KCTD8: variants seen among roughly 807,000 people sequenced by gnomAD.
The protein encoded by KCTD8 is BTB/POZ domain-containing protein KCTD8.
A neutral mutation model predicts 31.5 loss-of-function variants in KCTD8; 27 were observed. That is an observed-to-expected ratio of 0.86 (90% CI 0.63 to 1.18). The LOEUF (loss-of-function observed/expected upper bound fraction) is 1.18. Among genes scored for constraint, KCTD8 ranks in the 50% most tolerant of loss-of-function variants. The pLI is 0.00. For missense variants in KCTD8, 658 were observed against 647.7 expected (o/e 1.02, Z -0.17); for synonymous variants, 290 against 280.0 (o/e 1.04, Z -0.36).
At chr4:44,347,808 G>A (rs1256689368) in intron 1 of KCTD8, among the ~76,000 whole-genome samples, 1 of 151,944 alleles carries the variant, frequency 6.6e-6, no homozygotes, top group African/African-American at 2.4e-5. Flanking sequence ...TGCATAAAAC[G>A]GAATCATGCT....
At chr4:44,276,565 T>C (rs531505096) in intron 1 of KCTD8, among the ~76,000 whole-genome samples, 1 of 151,966 alleles carries the variant, frequency 6.6e-6, no homozygotes, top group Non-Finnish European at 1.5e-5. Flanking sequence ...AATGGCACAA[T>C]AATTATGAAA....
chr4:44,360,606 A>C (rs1017721713), intron 1 of KCTD8, among the ~76,000 whole-genome samples: 9 of 152,080 alleles, frequency 5.9e-5, no homozygotes, highest in African/African-American at 1.9e-4. Flanking sequence ...AACAACCAGG[A>C]GCATCGAGAA....
intron 1 of KCTD8, among the ~76,000 whole-genome samples, chr4:44,265,106 T>C (rs544450589): frequency 1.8e-4 from 28 of 152,168 alleles, no homozygotes; most frequent in African/African-American, 6.5e-4. Context: ...GGTCCCTGAC[T>C]CCTGACCCCT....
intron 1 of KCTD8, among the ~76,000 whole-genome samples, chr4:44,442,065 T>C (rs1721823687): frequency 6.6e-6 from 1 of 152,132 alleles, no homozygotes; most frequent in African/African-American, 2.4e-5. Flanking sequence ...AGTATGACCA[T>C]GACTTTTTAA....
Position 44,448,219 on chromosome 4 carries a change from T to A in KCTD8, c.305A>T (p.Asp102Val). The A allele has an allele frequency of 6.2e-7, 1 of 1,611,954 alleles. No individual in the cohort carries two copies. Among genetic ancestry groups the A allele is most frequent in the Non-Finnish European group, 8.5e-7 (1 of 1,179,520 alleles). Residue 102 changes from aspartate to valine, a missense_variant, in exon 1 of 2, where the codon GAC becomes GTC. Coordinates refer to ENST00000360029, the MANE Select transcript of KCTD8 (RefSeq NM_198353.3). The surrounding 1 kb of genome is among the most constrained non-coding windows in gnomAD (Gnocchi z 4.1). ...CAGCACGTACCTGAAAAGGAAGCCGTCCCGGTCGATGAAGAAGCGCGCCCG... is the reference window on the plus strand; with the variant it reads ...CAGCACGTACCTGAAAAGGAAGCCGACCCGGTCGATGAAGAAGCGCGCCCG... ...DSRARFFIDR[D>V]GFLFRYVLDY...
chr4:44,224,907 TAC>T (rs1334101857), intron 1 of KCTD8, among the ~76,000 whole-genome samples: 6 of 416 alleles, frequency 0.014, no homozygotes, highest in Non-Finnish European at 0.029. Context: ...GAGACATCAC[TAC>T]TTCTTAACCC....
rs1391445416 is a variant in KCTD8, at chr4:44,174,056, C to T, written c.*734G>A. ...ACTCATTTCACAGTAATAATCATGA[C>T]TAGCATTAGTAAATGAATGTTGATG... On this transcript the variant is annotated 3_prime_UTR_variant, in exon 2 of 2. Coordinates refer to ENST00000360029, the MANE Select transcript of KCTD8 (RefSeq NM_198353.3). 1.3e-5 allele frequency: 2 copies of T among 152,002 alleles called. No individual in the cohort carries two copies. Among genetic ancestry groups the T allele is most frequent in the Non-Finnish European group, 2.9e-5 (2 of 67,996 alleles). The allele number at this position is 152,002 out of a possible 1,614,324, so 9.4% of individuals were successfully genotyped here.
chr4:44,258,330 A>G (rs551810040), intron 1 of KCTD8, among the ~76,000 whole-genome samples: 174 of 151,256 alleles, frequency 1.2e-3, no homozygotes, highest in Non-Finnish European at 2.2e-3. Flanking sequence ...CTGTCTATAT[A>G]CTAGAAAAAA....
intron 1 of KCTD8, among the ~76,000 whole-genome samples, chr4:44,289,217 G>T (rs1717195534): frequency 6.6e-6 from 1 of 150,646 alleles, no homozygotes; most frequent in Non-Finnish European, 1.5e-5. Flanking sequence ...TTATATAATT[G>T]CATAACATTA....
At chr4:44,223,892 G>A (rs994956414) in intron 1 of KCTD8, among the ~76,000 whole-genome samples, 4 of 152,168 alleles carry the variant, frequency 2.6e-5, no homozygotes, top group Non-Finnish European at 5.9e-5. Flanking sequence ...TACTACAAAG[G>A]CAGAGTTGAG....
At chr4:44,183,759 A>T (rs895941981) in intron 1 of KCTD8, among the ~76,000 whole-genome samples, 2 of 152,348 alleles carry the variant, frequency 1.3e-5, no homozygotes, top group Admixed American at 6.5e-5. Context: ...TTGAAAAAAA[A>T]AACTTTTCAT....
chr4:44,296,735 T>C (rs1717448005), intron 1 of KCTD8, among the ~76,000 whole-genome samples: 1 of 152,112 alleles, frequency 6.6e-6, no homozygotes, highest in East Asian at 1.9e-4. Context: ...CATCTAATTA[T>C]GTGTTTTATT....
At chr4:44,443,782 A>G (rs1458858137) in intron 1 of KCTD8, among the ~76,000 whole-genome samples, 1 of 152,196 alleles carries the variant, frequency 6.6e-6, no homozygotes, top group Non-Finnish European at 1.5e-5. Context: ...AAACATAAAA[A>G]GGTAGTTTTT....
intron 1 of KCTD8, among the ~76,000 whole-genome samples, chr4:44,430,030 T>C (rs1425957301): frequency 6.8e-6 from 1 of 146,838 alleles, no homozygotes; most frequent in South Asian, 2.1e-4. Flanking sequence ...AACTGGGGGG[T>C]TTAAAAAAAA....
chr4:44,324,540 C>CAG (rs1244076139), intron 1 of KCTD8, among the ~76,000 whole-genome samples: 1 of 152,034 alleles, frequency 6.6e-6, no homozygotes, highest in African/African-American at 2.4e-5. Flanking sequence ...TGGAACTTTC[C>CAG]AGCACAGTCG....
At chr4:44,335,938 C>G (rs2109415313) in intron 1 of KCTD8, among the ~76,000 whole-genome samples, 1 of 151,582 alleles carries the variant, frequency 6.6e-6, no homozygotes, top group Non-Finnish European at 1.5e-5. Context: ...ATCACGAGGT[C>G]AGGAGATTGA....
At chr4:44,208,348 G>T (rs1714378343) in intron 1 of KCTD8, among the ~76,000 whole-genome samples, 1 of 152,044 alleles carries the variant, frequency 6.6e-6, no homozygotes, top group Admixed American at 6.6e-5. Context: ...CAACTAGCAG[G>T]GAAAGTAATT....
At chr4:44,342,102 T>C (rs1718916742) in intron 1 of KCTD8, among the ~76,000 whole-genome samples, 1 of 152,192 alleles carries the variant, frequency 6.6e-6, no homozygotes, top group African/African-American at 2.4e-5. Flanking sequence ...CTGGGCGTGT[T>C]GGCTCATGCC....
At chr4:44,187,041 C>G (rs1032915234) in intron 1 of KCTD8, among the ~76,000 whole-genome samples, 1 of 151,958 alleles carries the variant, frequency 6.6e-6, no homozygotes, top group South Asian at 2.1e-4. Flanking sequence ...TGGGGGGAGT[C>G]GAAGATAAAC....
Sources: allele counts gnomAD v4.1 joint callset (sites outside exome capture counted in the v4.1 genomes callset), GRCh38; gene constraint gnomAD v4.1.1; non-coding constraint Gnocchi (gnomAD v3.1); transcripts MANE v1.5; gene names NCBI Gene and HGNC (gene_info 2026-07-23, HGNC 2026-07-21).